C17orf75: variants seen among roughly 807,000 people sequenced by gnomAD.
C17orf75 encodes the protein chromosome 17 open reading frame 75.
C17orf75 carries 32 observed loss-of-function variants against 49.6 expected under a neutral mutation model. That is an observed-to-expected ratio of 0.65 (90% CI 0.49 to 0.87). The LOEUF is 0.87. C17orf75 is among the 40% of genes least tolerant of loss of function. The pLI, the probability that C17orf75 is intolerant of heterozygous loss-of-function variation, is 0.00. For synonymous variants in C17orf75, 158 were observed against 159.5 expected (o/e 0.99, Z 0.07); for missense variants, 428 against 473.9 (o/e 0.90, Z 0.90).
At chr17:32,334,381 G>A in intron 8 of C17orf75, 88 bp downstream of exon 8, 1 of 1,435,634 alleles carries the variant, frequency 7.0e-7, no homozygotes. Flanking sequence ...CACAAGGCAG[G>A]AAGAATAAGG....
chr17:32,342,368 A>T, upstream of C17orf75: 1 of 575,900 alleles, frequency 1.7e-6, no homozygotes, highest in Non-Finnish European at 2.6e-6. Context: ...ATTTATTTTG[A>T]ACTTATTTTC....
chr17:32,329,526 C>CT lies in C17orf75; in HGVS notation c.*2236dup, dbSNP rs1022678845. 1 of 151,100 alleles carries CT rather than the reference C, an allele frequency of 6.6e-6. No individual in the cohort carries two copies. The highest frequency in any genetic ancestry group is 6.6e-5 in the Admixed American group (1 of 15,140). 9.4% of individuals were successfully genotyped at this position (151,100 alleles called of 1,614,324 possible). On this transcript the variant is annotated 3_prime_UTR_variant, in exon 10 of 10. Coordinates refer to ENST00000577809, the MANE Select transcript of C17orf75 (RefSeq NM_022344.4). ...AAAAAAAAAAAAAGATAAAATAAGA[C>CT]TATCATATAGAGCTGTGTAATGTAG...
At chr17:32,336,194 T>C (rs1446642470) in intron 5 of C17orf75, among the ~76,000 whole-genome samples, 4 of 152,194 alleles carry the variant, frequency 2.6e-5, no homozygotes, top group African/African-American at 9.7e-5. Flanking sequence ...GACTAACAAC[T>C]GCTACAAGCT....
chr17:32,334,769 C>A lies in C17orf75; in HGVS notation c.734+6G>T. The A allele has an allele frequency of 6.3e-7, 1 of 1,595,914 alleles. No individual in the cohort carries two copies. The highest frequency in any genetic ancestry group is 1.1e-5 in the South Asian group (1 of 88,692). On this transcript the variant is annotated splice_donor_region_variant and intron_variant, in intron 7 of 9. Coordinates refer to ENST00000577809, the MANE Select transcript of C17orf75 (RefSeq NM_022344.4). Reference sequence around the variant, plus strand: ...AGCTTTTCTCTTTGAAAAAACTGTTCTTTACCTGTTAATGTCTCTCTTTGT... The same window carrying A: ...AGCTTTTCTCTTTGAAAAAACTGTTATTTACCTGTTAATGTCTCTCTTTGT...
chr17:32,343,479 C>T (rs11871860), upstream of C17orf75: 36,843 of 242,924 alleles, frequency 0.15, 3,382 homozygotes, highest in African/African-American at 0.28. Flanking sequence ...CGTTAAATCC[C>T]CTTCCTGCTT....
At chr17:32,348,867 CTTT>C (rs561014138) in intron 1 of C17orf75, among the ~76,000 whole-genome samples, 1 of 108,840 alleles carries the variant, frequency 9.2e-6, no homozygotes, top group Non-Finnish European at 1.8e-5. Context: ...CAGCTCCAGT[CTTT>C]TTTTTTTTTT....
At position 32,331,941 on chromosome 17, in the gene C17orf75, C is replaced by A. The variant is rs372489024; in HGVS notation, c.1013G>T (p.Arg338Leu). The part of the protein sequence containing the change: ...QDTNNLKRFI[R>L]QAEMNHYALF... ...AGCATAATGATTCATTTCTGCCTGTCGGATAAATCTCTTCAAATTGTTTGT... is the reference window on the plus strand; with the variant it reads ...AGCATAATGATTCATTTCTGCCTGTAGGATAAATCTCTTCAAATTGTTTGT... Residue 338 changes from arginine to leucine, a missense_variant, in exon 10 of 10, where the codon CGA (arginine) becomes CTA (leucine). Coordinates refer to ENST00000577809, the MANE Select transcript of C17orf75 (RefSeq NM_022344.4). 2 of 1,613,034 alleles carry A rather than the reference C, an allele frequency of 1.2e-6. No homozygotes were observed. Among genetic ancestry groups the A allele is most frequent in the Admixed American group, 3.3e-5 (2 of 59,982 alleles).
intron 7 of C17orf75, 60 bp from the exon 8 acceptor site, chr17:32,334,665 A>C: frequency 6.3e-7 from 1 of 1,593,360 alleles, no homozygotes; most frequent in South Asian, 1.1e-5. Context: ...GATGAAAACA[A>C]ATTTATTTTG....
At chr17:32,346,091 C>A (rs2150781411), upstream of C17orf75, among the ~76,000 whole-genome samples, 1 of 152,176 alleles carries the variant, frequency 6.6e-6, no homozygotes, top group Non-Finnish European at 1.5e-5. Flanking sequence ...CCGCATGGAT[C>A]ATTCTAGCCT....
Position 32,338,861 on chromosome 17 carries a change from C to T in C17orf75, c.348-510G>A, listed in dbSNP as rs188889345. On this transcript the variant is annotated intron_variant, in intron 3 of 9. Transcript: ENST00000577809. ...ATCCCAGCACTTTGGGAGGCCAAGG[C>T]GGGTGAATCACCTGAGGTCAGGAGT... 3.7e-4 allele frequency among the ~76,000 whole-genome samples: 57 copies of T among 152,184 alleles called. No individual in the cohort carries two copies. The East Asian group carries it at 4.8e-3, about 13-fold the overall frequency.
chr17:32,344,143 A>T, upstream of C17orf75: 2 of 536,820 alleles, frequency 3.7e-6, no homozygotes, highest in Non-Finnish European at 6.7e-6. Flanking sequence ...ACTGAAAGCC[A>T]AATCTCACTC....
In C17orf75 at chr17:32,331,618, G is replaced by A; in HGVS notation, c.*145C>T. 4.4e-6 allele frequency: 3 copies of A among 682,302 alleles called. No homozygotes were observed. The highest frequency in any genetic ancestry group is 2.7e-5 in the East Asian group (1 of 36,740). The allele number at this position is 682,302 out of a possible 1,614,324, so 42.3% of individuals were successfully genotyped here. On this transcript the variant is annotated 3_prime_UTR_variant, in exon 10 of 10. Coordinates refer to ENST00000577809, the MANE Select transcript of C17orf75 (RefSeq NM_022344.4). Reference sequence around the variant, plus strand: ...AGATGTTCTTCAGATTTTTATTTAAGTTAAATTGGTAAAATACAAAAAGAA... The same window carrying A: ...AGATGTTCTTCAGATTTTTATTTAAATTAAATTGGTAAAATACAAAAAGAA...
Position 32,342,065 on chromosome 17 carries a change from G to T in C17orf75, c.75C>A (p.Ala25=). ...ELESSEEGGS[A]EERRLEPPSS... is the part of the protein sequence containing the mutation. ...ACGGCGGCTCGAGTCTCCGCTCCTCGGCTGAGCCTCCCTCTTCGCTGCTCT... is the reference window on the plus strand; with the variant it reads ...ACGGCGGCTCGAGTCTCCGCTCCTCTGCTGAGCCTCCCTCTTCGCTGCTCT... The change falls in exon 1 of 10, where the codon GCC becomes GCA. Residue 25 remains alanine (A), a synonymous_variant. Coordinates refer to ENST00000577809, the MANE Select transcript of C17orf75 (RefSeq NM_022344.4). 6.4e-7 allele frequency: 1 copy of T among 1,570,534 alleles called. No individual in the cohort carries two copies. The highest frequency in any genetic ancestry group is 8.6e-7 in the Non-Finnish European group (1 of 1,160,362).
upstream of C17orf75, among the ~76,000 whole-genome samples, chr17:32,347,163 G>A (rs1009110537): frequency 1.3e-5 from 2 of 152,158 alleles, no homozygotes; most frequent in African/African-American, 4.8e-5. Flanking sequence ...ATTTTGCCAT[G>A]TTGGCAAGGC....
At position 32,329,022 on chromosome 17, in the gene C17orf75, A is replaced by G. The variant is rs929545059; in HGVS notation, c.*2741T>C. 1.3e-5 allele frequency: 2 copies of G among 151,996 alleles called. No individual in the cohort carries two copies. The highest frequency in any genetic ancestry group is 4.8e-5 in the African/African-American group (2 of 41,402). 9.4% of individuals were successfully genotyped at this position (151,996 alleles called of 1,614,324 possible). ...TCTCATGACCAAGATATTCAGTTCCATGACACCATTTTCCTTGTCTACAGT... is the reference window on the plus strand; with the variant it reads ...TCTCATGACCAAGATATTCAGTTCCGTGACACCATTTTCCTTGTCTACAGT... On this transcript the variant is annotated 3_prime_UTR_variant, in exon 10 of 10. Transcript: ENST00000577809.
chr17:32,345,502 A>C (rs754008839), upstream of C17orf75, among the ~76,000 whole-genome samples: 6 of 151,260 alleles, frequency 4.0e-5, no homozygotes, highest in Non-Finnish European at 7.4e-5. Context: ...ATAGAATTTT[A>C]GATTGATATG....
intron 9 of C17orf75, among the ~76,000 whole-genome samples, 185 bp from the exon 10 acceptor site, chr17:32,332,163 T>C (rs2041280873): frequency 6.6e-6 from 1 of 152,196 alleles, no homozygotes; most frequent in Admixed American, 6.5e-5. Flanking sequence ...CTCCTTTTTT[T>C]TCTTGTTTCG....
intron 5 of C17orf75, among the ~76,000 whole-genome samples, chr17:32,336,238 G>A (rs2041324638): frequency 6.6e-6 from 1 of 152,186 alleles, no homozygotes; most frequent in Admixed American, 6.6e-5. Flanking sequence ...TTTTGAGACA[G>A]GGTCTCACTC....
chr17:32,347,019 T>A (rs1397008228), upstream of C17orf75, among the ~76,000 whole-genome samples: 15 of 151,876 alleles, frequency 9.9e-5, no homozygotes, highest in African/African-American at 3.6e-4. Flanking sequence ...TGGCACAATC[T>A]CAGCTCACTG....
Sources: gnomAD v4.1 joint callset for allele counts (sites outside exome capture counted in the v4.1 genomes callset) on GRCh38, gnomAD v4.1.1 for gene constraint, MANE v1.5 for transcripts, NCBI Gene and HGNC (gene_info 2026-07-23, HGNC 2026-07-21) for gene names.